Variants in SKIC8 observed in about 807,000 individuals in gnomAD.
SKIC8 encodes superkiller complex protein 8.
At chr15:78,299,565 T>A in the SKIC8 span, 1 of 152,446 alleles carries the variant, frequency 6.6e-6, no homozygotes, top group South Asian at 2.1e-4. Context: ...AACTCACCAC[T>A]GCACTGCCAG....
chr15:78,284,967 A>C, the SKIC8 span: 1 of 360,826 alleles, frequency 2.8e-6, no homozygotes. Context: ...CCCAGACACC[A>C]GCTGCAGCAA....
the SKIC8 span, among the ~76,000 whole-genome samples, chr15:78,298,921 A>G: frequency 3.3e-5 from 5 of 152,196 alleles, no homozygotes. Context: ...AGTATAGGCT[A>G]CCAAGATACA....
At chr15:78,293,285 G>C in the SKIC8 span, 1 of 1,612,192 alleles carries the variant, frequency 6.2e-7, no homozygotes. Context: ...AGAATGGAAA[G>C]TGCTTCATTT....
At chr15:78,295,787 A>G in the SKIC8 span, 1 of 1,388,898 alleles carries the variant, frequency 7.2e-7, no homozygotes, top group Non-Finnish European at 9.7e-7. Flanking sequence ...GCACACAGGA[A>G]GTTCCCCTTG....
chr15:78,295,282 G>C, the SKIC8 span: 2 of 551,638 alleles, frequency 3.6e-6, no homozygotes, highest in Non-Finnish European at 6.5e-6. Context: ...TCAAAGTCCA[G>C]TTTGTAGCTT....
the SKIC8 span, chr15:78,292,581 A>G: frequency 9.9e-6 from 16 of 1,613,302 alleles, no homozygotes; most frequent in Non-Finnish European, 1.2e-5. Context: ...GAAATCATGA[A>G]CCTCTATTAT....
the SKIC8 span, chr15:78,283,299 A>C: frequency 2.0e-5 from 13 of 642,806 alleles, no homozygotes; most frequent in Middle Eastern, 2.6e-4. Context: ...GAAAAGATTC[A>C]TATTGTATCT....
At chr15:78,296,579 T>C in the SKIC8 span, among the ~76,000 whole-genome samples, 1 of 66 alleles carries the variant, frequency 0.015, no homozygotes, top group African/African-American at 0.042. Context: ...GGCACAATCA[T>C]GGTCAATGCA....
the SKIC8 span, among the ~76,000 whole-genome samples, chr15:78,297,473 A>G: frequency 2.0e-5 from 3 of 152,236 alleles, no homozygotes; most frequent in Non-Finnish European, 2.9e-5. Flanking sequence ...CTAAAATTTT[A>G]TCAAAATACA....
the SKIC8 span, chr15:78,294,726 T>C: frequency 1.9e-6 from 1 of 532,958 alleles, no homozygotes; most frequent in Non-Finnish European, 3.3e-6. Context: ...TTCCCCAACC[T>C]ATCATGATGA....
At chr15:78,289,413 A>AAACC in the SKIC8 span, among the ~76,000 whole-genome samples, 1 of 151,962 alleles carries the variant, frequency 6.6e-6, no homozygotes, top group Non-Finnish European at 1.5e-5. Context: ...TCTCTAAAAG[A>AAACC]AAACAAACAA....
the SKIC8 span, chr15:78,290,553 C>T: frequency 6.5e-6 from 1 of 153,882 alleles, no homozygotes; most frequent in Non-Finnish European, 1.4e-5. Flanking sequence ...CTCTTTTTCT[C>T]TTCCTGTGTG....
the SKIC8 span, chr15:78,289,609 T>C: frequency 1.3e-5 from 20 of 1,593,314 alleles, no homozygotes; most frequent in South Asian, 5.6e-5. Flanking sequence ...AATAAGATGA[T>C]GATATATACC....
At chr15:78,295,401 CTTTTTTT>C in the SKIC8 span, 1 of 393,854 alleles carries the variant, frequency 2.5e-6, no homozygotes. Flanking sequence ...CTATTCTGAT[CTTTTTTT>C]TTTTTTTTTT....
At chr15:78,292,477 T>C in the SKIC8 span, 2 of 884,578 alleles carry the variant, frequency 2.3e-6, no homozygotes, top group South Asian at 1.6e-5. Flanking sequence ...GAGGGTATTA[T>C]GTGAAATACA....
At chr15:78,298,480 G>C in the SKIC8 span, among the ~76,000 whole-genome samples, 1 of 152,188 alleles carries the variant, frequency 6.6e-6, no homozygotes, top group Non-Finnish European at 1.5e-5. Context: ...AAATAGGTGA[G>C]TAGAGTGCAG....
chr15:78,294,808 T>C, the SKIC8 span: 1 of 845,098 alleles, frequency 1.2e-6, no homozygotes, highest in Middle Eastern at 2.3e-4. Context: ...TTTAAGAGTA[T>C]TTGTTTTCAG....
At chr15:78,287,185 G>A in the SKIC8 span, among the ~76,000 whole-genome samples, 1 of 152,084 alleles carries the variant, frequency 6.6e-6, no homozygotes, top group Non-Finnish European at 1.5e-5. Context: ...TTGCTGGGAG[G>A]ATCAATAAAA....
At chr15:78,293,797 A>C in the SKIC8 span, among the ~76,000 whole-genome samples, 1 of 152,200 alleles carries the variant, frequency 6.6e-6, no homozygotes, top group Non-Finnish European at 1.5e-5. Context: ...ACATTACAAC[A>C]ATCCTATGAA....
Sources: allele counts gnomAD v4.1 joint callset (sites outside exome capture counted in the v4.1 genomes callset), GRCh38; gene constraint gnomAD v4.1.1; transcripts MANE v1.5; gene names NCBI Gene and HGNC (gene_info 2026-07-23, HGNC 2026-07-21).